CAMTA1: variants seen among roughly 807,000 people sequenced by gnomAD.
CAMTA1 encodes the protein calmodulin-binding transcription activator 1.
A neutral mutation model predicts 170.9 loss-of-function variants in CAMTA1; 27 were observed. The ratio of observed to expected loss-of-function variants is 0.16; its 90% CI spans 0.12 to 0.22. CAMTA1 has a LOEUF of 0.22. Among genes scored for constraint, CAMTA1 ranks in the 10% least tolerant of loss-of-function variants. CAMTA1 has a pLI of 1.00. For missense variants in CAMTA1, 1,619 were observed against 2,217.2 expected, an observed-to-expected ratio of 0.73 and a Z score of 5.42; for synonymous variants, 833 against 891.5, an observed-to-expected ratio of 0.93 and a Z score of 1.17.
intron 5 of CAMTA1, among the ~76,000 whole-genome samples, chr1:7,404,193 C>G (rs1433358194): frequency 1.3e-5 from 2 of 152,218 alleles, no homozygotes; most frequent in Non-Finnish European, 2.9e-5. Flanking sequence ...TCTTGTCCCT[C>G]CATGGCCCAT....
chr1:7,602,124 CT>C (rs1342398494), intron 6 of CAMTA1, among the ~76,000 whole-genome samples: 22 of 141,536 alleles, frequency 1.6e-4, no homozygotes, highest in African/African-American at 5.3e-4. Context: ...TCCTTCCTTC[CT>C]TCCTTCCTTC....
At chr1:7,656,985 C>T (rs1335196877) in intron 7 of CAMTA1, among the ~76,000 whole-genome samples, 1 of 152,236 alleles carries the variant, frequency 6.6e-6, no homozygotes, top group East Asian at 1.9e-4. Flanking sequence ...GCAAGCCGAT[C>T]CTCACACAGG....
At chr1:6,943,378 A>C (rs936577164) in intron 3 of CAMTA1, among the ~76,000 whole-genome samples, 4 of 151,926 alleles carry the variant, frequency 2.6e-5, no homozygotes, top group African/African-American at 2.4e-5. Flanking sequence ...GGCAGAGGGG[A>C]GGAGGCACCT....
intron 3 of CAMTA1, among the ~76,000 whole-genome samples, chr1:7,068,526 C>T (rs1202020519): frequency 3.3e-5 from 5 of 152,190 alleles, no homozygotes; most frequent in Non-Finnish European, 2.9e-5. Context: ...AGGCAGACCA[C>T]GATGGGGATG....
intron 5 of CAMTA1, among the ~76,000 whole-genome samples, chr1:7,403,659 G>A (rs74053245): frequency 0.031 from 4,669 of 152,254 alleles, 165 homozygotes; most frequent in African/African-American, 0.082. Flanking sequence ...GTAGTCTGTG[G>A]TGTTCCCTCT....
chr1:7,537,765 G>A (rs2094566059), intron 6 of CAMTA1, among the ~76,000 whole-genome samples: 1 of 152,170 alleles, frequency 6.6e-6, no homozygotes, highest in Admixed American at 6.5e-5. Flanking sequence ...TTTAATTTGG[G>A]ATGATTTTAT....
chr1:7,538,553 A>G (rs542778164), intron 6 of CAMTA1, among the ~76,000 whole-genome samples: 34 of 152,316 alleles, frequency 2.2e-4, no homozygotes, highest in African/African-American at 7.2e-4. Flanking sequence ...AGGGAGACTG[A>G]GGCAGGAAAA....
chr1:7,322,792 C>T (rs1210239068), intron 5 of CAMTA1, among the ~76,000 whole-genome samples: 2 of 152,052 alleles, frequency 1.3e-5, no homozygotes, highest in African/African-American at 4.8e-5. Flanking sequence ...CTTCTTCTTC[C>T]CTTAATAAGA....
intron 3 of CAMTA1, among the ~76,000 whole-genome samples, chr1:6,911,573 C>T (rs535385075): frequency 4.6e-5 from 7 of 152,256 alleles, no homozygotes; most frequent in Admixed American, 2.0e-4. Flanking sequence ...TGTAAATGAT[C>T]TTCATGTTTG....
rs2096739445 is a variant in CAMTA1, at chr1:7,732,276, A to T, written c.2915-172A>T. Among the ~76,000 whole-genome samples the T allele has an allele frequency of 6.6e-6, 1 of 152,086 alleles. No homozygotes were observed. The highest frequency in any genetic ancestry group is 1.5e-5 in the Non-Finnish European group (1 of 68,018). Reference sequence around the variant, plus strand: ...GCTGAAGGTGCCACCATCCTGTGTGAGGTGGTGACAGATTCACGATCGTGC... The same window carrying T: ...GCTGAAGGTGCCACCATCCTGTGTGTGGTGGTGACAGATTCACGATCGTGC... On this transcript the variant is annotated intron_variant, in intron 11 of 22. Coordinates refer to ENST00000303635, the MANE Select transcript of CAMTA1 (RefSeq NM_015215.4). This position sits in a 1 kb window ranked among gnomAD's most constrained non-coding sequence, Gnocchi z 4.1.
intron 3 of CAMTA1, among the ~76,000 whole-genome samples, chr1:6,852,020 A>G (rs1248907953): frequency 2.0e-5 from 3 of 152,026 alleles, no homozygotes; most frequent in African/African-American, 7.2e-5. Context: ...TCCAAAAAAA[A>G]AAAAAAAAAG....
At chr1:6,869,208 A>T (rs1298208164) in intron 3 of CAMTA1, among the ~76,000 whole-genome samples, 1 of 152,150 alleles carries the variant, frequency 6.6e-6, no homozygotes, top group Non-Finnish European at 1.5e-5. Context: ...AAGATGGATA[A>T]TCTTGGATCC....
At chr1:7,516,899 T>C (rs2094294383) in intron 6 of CAMTA1, among the ~76,000 whole-genome samples, 1 of 152,186 alleles carries the variant, frequency 6.6e-6, no homozygotes, top group Non-Finnish European at 1.5e-5. Context: ...TATTGTTATT[T>C]CTCATTATGA....
In CAMTA1 at chr1:7,066,970, C is replaced by T. The variant is rs74660829; in HGVS notation, c.235-24334C>T. Among the ~76,000 whole-genome samples, 4 of 152,344 alleles carry T rather than the reference C, an allele frequency of 2.6e-5. No homozygotes were observed. In the East Asian group the frequency reaches 7.7e-4, roughly 29 times the overall value. On this transcript the variant is annotated intron_variant, in intron 3 of 22. Coordinates refer to ENST00000303635, the MANE Select transcript of CAMTA1 (RefSeq NM_015215.4). ...GGCAGGACATTTGTTATCGCTGACT[C>T]TCAGCCTGGAAGCAGCATCTAATAT...
chr1:7,353,662 G>A (rs1347337895), intron 5 of CAMTA1, among the ~76,000 whole-genome samples: 2 of 152,120 alleles, frequency 1.3e-5, no homozygotes, highest in Non-Finnish European at 2.9e-5. Flanking sequence ...GACCTCAGGT[G>A]ATCCACCTGC....
At chr1:7,257,739 T>C (rs150346490) in intron 5 of CAMTA1, among the ~76,000 whole-genome samples, 2 of 152,274 alleles carry the variant, frequency 1.3e-5, no homozygotes, top group African/African-American at 4.8e-5. Flanking sequence ...AGTATGTCTA[T>C]ATTAAAATAT....
chr1:6,851,506 T>C (rs1660348499), intron 3 of CAMTA1, among the ~76,000 whole-genome samples: 1 of 152,166 alleles, frequency 6.6e-6, no homozygotes. Context: ...TAGCTGAGAA[T>C]TGTTCATAAC....
intron 5 of CAMTA1, among the ~76,000 whole-genome samples, chr1:7,457,678 G>A (rs1453848869): frequency 1.3e-5 from 2 of 152,204 alleles, no homozygotes; most frequent in East Asian, 3.9e-4. Flanking sequence ...TCCTCAGAGA[G>A]GCTGGGGGAG....
chr1:7,235,175 C>A (rs1360520195), intron 4 of CAMTA1, among the ~76,000 whole-genome samples: 2 of 152,040 alleles, frequency 1.3e-5, no homozygotes, highest in Non-Finnish European at 2.9e-5. Flanking sequence ...ACATTGTGGC[C>A]CTTAGAGATG....
Sources: allele counts gnomAD v4.1 joint callset (sites outside exome capture counted in the v4.1 genomes callset), GRCh38; gene constraint gnomAD v4.1.1; non-coding constraint Gnocchi (gnomAD v3.1); transcripts MANE v1.5; gene names NCBI Gene and HGNC (gene_info 2026-07-23, HGNC 2026-07-21).